The following INHBC variants were observed in gnomAD, a reference collection of about 807,000 sequenced individuals.
The protein encoded by INHBC is inhibin subunit beta C.
INHBC carries 10 observed loss-of-function variants against 12.4 expected under a neutral mutation model. That is an observed-to-expected ratio of 0.81 (90% CI 0.50 to 1.37). INHBC has a LOEUF of 1.37. INHBC is among the 40% of genes most tolerant of loss of function. The pLI, the probability that INHBC is intolerant of heterozygous loss-of-function variation, is 0.00. For missense variants in INHBC, 382 were observed against 439.4 expected (o/e 0.87, Z 1.17); for synonymous variants, 147 against 171.6 (o/e 0.86, Z 1.12).
intron 1 of INHBC, among the ~76,000 whole-genome samples, chr12:57,438,816 C>T (rs1427040037): frequency 6.6e-6 from 1 of 152,210 alleles, no homozygotes; most frequent in Non-Finnish European, 1.5e-5. Flanking sequence ...CTACCCACAT[C>T]AAAATTTCAT....
At chr12:57,447,154 T>C (rs1461345659) in intron 1 of INHBC, among the ~76,000 whole-genome samples, 4 of 146,294 alleles carry the variant, frequency 2.7e-5, no homozygotes, top group Admixed American at 2.0e-4. Context: ...AGACAAGGTA[T>C]AGGGGGAATG....
At chr12:57,437,091 C>T (rs1174447855) in intron 1 of INHBC, among the ~76,000 whole-genome samples, 1 of 152,118 alleles carries the variant, frequency 6.6e-6, no homozygotes, top group African/African-American at 2.4e-5. Context: ...GCCACCATCC[C>T]CGGGCTAAAA....
rs1870725509 is a variant in INHBC, at chr12:57,451,946, A to G, written c.*1924A>G. The G allele has an allele frequency of 9.5e-6, 4 of 421,128 alleles. No homozygotes were observed. The highest frequency in any genetic ancestry group is 1.9e-5 in the Non-Finnish European group (4 of 212,546). The allele number at this position is 421,128 out of a possible 1,614,324, so 26.1% of individuals were successfully genotyped here. A position where few individuals can be genotyped will look rare whatever the true frequency, so the allele number is the denominator to read the frequency against. On this transcript the variant is annotated 3_prime_UTR_variant, in exon 2 of 2. Transcript: ENST00000309668. ...GGGCTAAATTTTAAGGGGGTGGTGA[A>G]CAATTTATTAATCAAGATAGGACTT...
intron 1 of INHBC, 83 bp downstream of exon 1, chr12:57,435,282 T>C (rs1870310010): frequency 1.5e-6 from 2 of 1,324,362 alleles, no homozygotes; most frequent in South Asian, 2.9e-5. Context: ...TACCTCTGAC[T>C]CCTTCCCCAA....
At chr12:57,439,049 G>C (rs764938186) in intron 1 of INHBC, among the ~76,000 whole-genome samples, 8 of 152,176 alleles carry the variant, frequency 5.3e-5, no homozygotes, top group Non-Finnish European at 1.2e-4. Context: ...CATGGTGGGC[G>C]AATTTGTAGT....
Position 57,451,705 on chromosome 12 carries a change from G to C in INHBC, c.*1683G>C, listed in dbSNP as rs1006063840. 8.0e-6 allele frequency: 3 copies of C among 375,884 alleles called. No homozygotes were observed. Among genetic ancestry groups the C allele is most frequent in the Non-Finnish European group, 1.6e-5 (3 of 190,856 alleles). 23.3% of individuals were successfully genotyped at this position (375,884 alleles called of 1,614,324 possible). A position where few individuals can be genotyped will look rare whatever the true frequency, so the allele number is the denominator to read the frequency against. ...GGAGAAAGTCTGAAAAGGACTGCCT[G>C]GGGGACTGTAAATCTGAGCTTGAGG... is the stretch of plus-strand genomic sequence containing the variant. On this transcript the variant is annotated 3_prime_UTR_variant, in exon 2 of 2. Transcript: ENST00000309668.
chr12:57,441,354 C>CAA (rs1171735520), intron 1 of INHBC, among the ~76,000 whole-genome samples: 1,094 of 33,172 alleles, frequency 0.033, no homozygotes, highest in East Asian at 0.041. Flanking sequence ...AATTCCATCT[C>CAA]AAAAAAAAAA....
At chr12:57,448,102 C>A (rs1211743164) in intron 1 of INHBC, among the ~76,000 whole-genome samples, 3 of 151,088 alleles carry the variant, frequency 2.0e-5, no homozygotes, top group Non-Finnish European at 4.4e-5. Context: ...ATGCACTACT[C>A]CACCCAGCTC....
At chr12:57,444,281 G>T (rs1255674581) in intron 1 of INHBC, among the ~76,000 whole-genome samples, 1 of 151,962 alleles carries the variant, frequency 6.6e-6, no homozygotes, top group African/African-American at 2.4e-5. Context: ...GGTGGCTCAT[G>T]CCTGTAATCC....
At chr12:57,439,874 G>T (rs1229005141) in intron 1 of INHBC, among the ~76,000 whole-genome samples, 1 of 152,156 alleles carries the variant, frequency 6.6e-6, no homozygotes, top group Non-Finnish European at 1.5e-5. Context: ...TTGCTATGTT[G>T]CCCAGGCTGG....
intron 1 of INHBC, 69 bp from the exon 2 acceptor site, chr12:57,449,208 G>A: frequency 1.3e-6 from 2 of 1,538,302 alleles, no homozygotes; most frequent in Non-Finnish European, 8.8e-7. Flanking sequence ...AGAATGCTGA[G>A]TACAGAGAAA....
intron 1 of INHBC, among the ~76,000 whole-genome samples, chr12:57,442,953 T>C (rs1328769544): frequency 1.4e-5 from 2 of 145,206 alleles, no homozygotes; most frequent in African/African-American, 5.1e-5. Flanking sequence ...ATTGCGCCAC[T>C]GCGCTCCAGC....
At chr12:57,440,299 T>C (rs1465351389) in intron 1 of INHBC, among the ~76,000 whole-genome samples, 2 of 151,972 alleles carry the variant, frequency 1.3e-5, no homozygotes, top group Admixed American at 6.6e-5. Flanking sequence ...TAGAAATATT[T>C]TCTCTAAATT....
At chr12:57,442,155 T>G (rs1427850414) in intron 1 of INHBC, among the ~76,000 whole-genome samples, 1 of 152,228 alleles carries the variant, frequency 6.6e-6, no homozygotes, top group African/African-American at 2.4e-5. Context: ...AATTTAGTAG[T>G]CTAGCTCAAC....
rs1870716983 is a variant in INHBC, at chr12:57,451,785, T to A, written c.*1763T>A. ...CACCTTTGACTTGAGGAGACCTTCA[T>A]CTAAGGAGAATCTAAGGAGGCCTTC... On this transcript the variant is annotated 3_prime_UTR_variant, in exon 2 of 2. Coordinates refer to ENST00000309668, the MANE Select transcript of INHBC (RefSeq NM_005538.4). 8 of 450,044 alleles carry A rather than the reference T, an allele frequency of 1.8e-5. No homozygotes were observed. The highest frequency in any genetic ancestry group is 1.1e-4 in the South Asian group (7 of 63,632). The allele number at this position is 450,044 out of a possible 1,614,324, so 27.9% of individuals were successfully genotyped here.
intron 1 of INHBC, among the ~76,000 whole-genome samples, chr12:57,445,733 T>A (rs1230297327): frequency 8.6e-6 from 1 of 116,184 alleles, no homozygotes; most frequent in African/African-American, 3.1e-5. Context: ...CATCTCCATG[T>A]AAATTTTTTT....
chr12:57,448,544 A>G (rs1297981465), intron 1 of INHBC, among the ~76,000 whole-genome samples: 3 of 146,496 alleles, frequency 2.0e-5, no homozygotes, highest in East Asian at 4.2e-4. Context: ...ACTCCAGCCT[A>G]GGTGACAGAA....
chr12:57,439,418 A>G (rs1419909684), intron 1 of INHBC, among the ~76,000 whole-genome samples: 1 of 152,116 alleles, frequency 6.6e-6, no homozygotes, highest in East Asian at 1.9e-4. Flanking sequence ...TGGACTTCCA[A>G]ATCCACCCTC....
rs368978864 is a variant in INHBC, at chr12:57,445,348, G to C, written c.314-3929G>C. Among the ~76,000 whole-genome samples, 9 of 152,322 alleles carry C rather than the reference G, an allele frequency of 5.9e-5. No homozygotes were observed. The East Asian group carries it at 9.6e-4, about 16-fold the overall frequency. On this transcript the variant is annotated intron_variant, in intron 1 of 1. Transcript: ENST00000309668. ...GGAGAATGGTTTGGAGAGCAAGAGT[G>C]AATCACTTGAGTGAACGAAAGCTAC... is the stretch of plus-strand genomic sequence containing the variant.
Sources: gnomAD v4.1 joint callset for allele counts (sites outside exome capture counted in the v4.1 genomes callset) on GRCh38, gnomAD v4.1.1 for gene constraint, MANE v1.5 for transcripts, NCBI Gene and HGNC (gene_info 2026-07-23, HGNC 2026-07-21) for gene names.